Variants in CAMSAP1 observed in about 807,000 individuals in gnomAD.
CAMSAP1 encodes the protein calmodulin regulated spectrin associated protein 1.
A neutral mutation model predicts 143.5 loss-of-function variants in CAMSAP1; 58 were observed. The ratio of observed to expected loss-of-function variants is 0.40; its 90% confidence interval spans 0.33 to 0.50. The LOEUF (loss-of-function observed/expected upper bound fraction) is 0.50, where lower values mean the gene tolerates loss of function less well. Among genes scored for constraint, CAMSAP1 ranks in the 20% least tolerant of loss-of-function variants. The probability of loss-of-function intolerance (pLI) is 0.45; values close to 1 mark genes in which losing one functional copy is unlikely to be tolerated. For synonymous variants in CAMSAP1, 945 were observed against 859.3 expected (o/e 1.10, Z -1.74); for missense variants, 1,969 against 2,115.7 (o/e 0.93, Z 1.36).
chr9:135,884,520 T>C (rs761388592), intron 1 of CAMSAP1, among the ~76,000 whole-genome samples: 1 of 152,202 alleles, frequency 6.6e-6, no homozygotes, highest in Non-Finnish European at 1.5e-5. Context: ...AGCATTTTTG[T>C]TTTAAGCATG....
chr9:135,892,357 G>T (rs765033098), intron 1 of CAMSAP1, among the ~76,000 whole-genome samples: 2 of 151,970 alleles, frequency 1.3e-5, no homozygotes, highest in African/African-American at 2.4e-5. Context: ...ACAGAAAAGT[G>T]GAAATTACAA....
chr9:135,820,771 C>CTGCACATG lies in CAMSAP1; in HGVS notation c.3822+67_3822+68insCATGTGCA, dbSNP rs201669748. The CTGCACATG allele has an allele frequency of 3.2e-6, 5 of 1,565,428 alleles. No individual in the cohort carries two copies. In the East Asian group the frequency reaches 9.0e-5, roughly 28 times the overall value. On this transcript the variant is annotated intron_variant, in intron 11 of 16. Coordinates refer to ENST00000389532, the MANE Select transcript of CAMSAP1 (RefSeq NM_015447.4). The surrounding 1 kb of genome is among the most constrained non-coding windows in gnomAD (Gnocchi z 4.4). ...CCAGCCTGGTGCAGATCTGTGTTCT[C>CTGCACATG]TAACTCACTATCACGTGGGGTGGCA... is the stretch of plus-strand genomic sequence containing the variant.
At chr9:135,887,621 C>A (rs1838166395) in intron 1 of CAMSAP1, among the ~76,000 whole-genome samples, 1 of 152,118 alleles carries the variant, frequency 6.6e-6, no homozygotes, top group South Asian at 2.1e-4. Context: ...GTGTCTTTCA[C>A]TGGGTCAGGG....
Position 135,811,731 on chromosome 9 carries a change from G to A in CAMSAP1, c.4507-120C>T, listed in dbSNP as rs1482977429. Reference sequence around the variant, plus strand: ...CCGTGGGAAGCTCTCCCACCCGTCAGCTACGGCCTGCCTGTTGTAAACAAT... The same window carrying A: ...CCGTGGGAAGCTCTCCCACCCGTCAACTACGGCCTGCCTGTTGTAAACAAT... On this transcript the variant is annotated intron_variant, in intron 16 of 16. Transcript: ENST00000389532. This position sits in a 1 kb window ranked among gnomAD's most constrained non-coding sequence, Gnocchi z 4.9. 2 of 874,150 alleles carry A rather than the reference G, an allele frequency of 2.3e-6. No individual in the cohort carries two copies. The highest frequency in any genetic ancestry group is 3.5e-6 in the Non-Finnish European group (2 of 568,948). 54.1% of individuals were successfully genotyped at this position (874,150 alleles called of 1,614,324 possible).
chr9:135,822,376 C>T lies in CAMSAP1; in HGVS notation c.2285G>A (p.Ser762Asn), dbSNP rs149066179. The T allele has an allele frequency of 2.1e-5, 34 of 1,614,002 alleles. 1 individual carries two copies. In the Middle Eastern group the frequency reaches 2.5e-3, roughly 117 times the overall value. Residue 762 changes from serine (S) to asparagine (N), a missense_variant, in exon 11 of 17, where the codon AGC becomes AAC. Transcript: ENST00000389532. This position sits in a 1 kb window ranked among gnomAD's most constrained non-coding sequence, Gnocchi z 6.1. ...FMGEAHPVVF[S>N]RYIGEEESAK... ...CGACTCTTCCTCCCCAATGTATCTGCTGAAAACCACAGGATGGGCCTCACC... is the reference window on the plus strand; with the variant it reads ...CGACTCTTCCTCCCCAATGTATCTGTTGAAAACCACAGGATGGGCCTCACC...
chr9:135,825,998 A>C (rs1835657832), intron 8 of CAMSAP1: 1 of 152,350 alleles, frequency 6.6e-6, no homozygotes, highest in African/African-American at 2.4e-5. Flanking sequence ...TCAGGGCCAC[A>C]ATGCAAACCC....
rs199683101 is a variant in CAMSAP1 at position 135,822,572 on chromosome 9, T to C, written c.2089A>G (p.Thr697Ala). 3 of 1,613,662 alleles carry C rather than the reference T, an allele frequency of 1.9e-6. No homozygotes were observed. The highest frequency in any genetic ancestry group is 2.2e-5 in the East Asian group (1 of 44,854). Residue 697 changes from threonine (T) to alanine (A), a missense_variant, in exon 11 of 17, where the codon ACG becomes GCG. Physicochemically the swap from Thr to Ala is moderately conservative, Grantham distance 58 (BLOSUM62 0). This residue lies in a region of CAMSAP1 where 1,390 missense variants were observed against 1,420.8 expected (regional missense o/e 0.98). Transcript: ENST00000389532. This position sits in a 1 kb window ranked among gnomAD's most constrained non-coding sequence, Gnocchi z 6.1. ...GFDPFPQGPS[T>A]DGFFLHVGRA... ...CCTACATGAAGGAAGAAGCCATCCG[T>C]GGATGGTCCCTGGGGGAACGGATCG... is the stretch of plus-strand genomic sequence containing the variant.
At chr9:135,899,736 C>G (rs2131025776) in intron 1 of CAMSAP1, among the ~76,000 whole-genome samples, 1 of 152,264 alleles carries the variant, frequency 6.6e-6, no homozygotes, top group African/African-American at 2.4e-5. Flanking sequence ...CCTCCACTTC[C>G]CCCTATTGTC....
intron 5 of CAMSAP1, among the ~76,000 whole-genome samples, chr9:135,853,864 C>T (rs1202190903): frequency 6.6e-6 from 1 of 152,254 alleles, no homozygotes; most frequent in Non-Finnish European, 1.5e-5. Flanking sequence ...GAGGTCCAAT[C>T]AAGTCCCTAT....
At chr9:135,889,299 G>A (rs1242412597) in intron 1 of CAMSAP1, among the ~76,000 whole-genome samples, 2 of 152,050 alleles carry the variant, frequency 1.3e-5, no homozygotes, top group East Asian at 3.9e-4. Flanking sequence ...GCCTCCAACA[G>A]GACCCACGGC....
rs568939186 is a variant in CAMSAP1 at position 135,817,085 on chromosome 9, A to G, written c.4271+892T>C. On this transcript the variant is annotated intron_variant, in intron 14 of 16. Coordinates refer to ENST00000389532, the MANE Select transcript of CAMSAP1 (RefSeq NM_015447.4). ...GAAGGATAACTGACCTGTGGTTACC[A>G]AAAGTCAAGGTCCAGAAAAACACAG... Among the ~76,000 whole-genome samples, 9 of 152,366 alleles carry G rather than the reference A, an allele frequency of 5.9e-5. No individual in the cohort carries two copies. In the East Asian group the frequency reaches 1.7e-3, roughly 29 times the overall value.
chr9:135,816,560 T>C (rs1835236423), intron 14 of CAMSAP1, among the ~76,000 whole-genome samples: 1 of 152,128 alleles, frequency 6.6e-6, no homozygotes, highest in South Asian at 2.1e-4. Flanking sequence ...GCTGCTGCTC[T>C]CACAAGGGAG....
intron 3 of CAMSAP1, among the ~76,000 whole-genome samples, chr9:135,874,673 A>C (rs1189504242): frequency 6.8e-6 from 1 of 146,174 alleles, no homozygotes; most frequent in Non-Finnish European, 1.5e-5. Flanking sequence ...ACAGTAAGGC[A>C]AAAAAAAAAC....
At chr9:135,846,747 G>T (rs921302065) in intron 7 of CAMSAP1, among the ~76,000 whole-genome samples, 9 of 142,504 alleles carry the variant, frequency 6.3e-5, no homozygotes, top group Non-Finnish European at 1.4e-4. Flanking sequence ...CTTCTCAAAA[G>T]AAGACATATA....
intron 3 of CAMSAP1, among the ~76,000 whole-genome samples, chr9:135,868,776 C>G (rs1837473081): frequency 6.6e-6 from 1 of 152,012 alleles, no homozygotes; most frequent in African/African-American, 2.4e-5. Flanking sequence ...ACCACCACGC[C>G]TGGCTAATTT....
At chr9:135,867,465 C>A (rs1837417280) in intron 3 of CAMSAP1, among the ~76,000 whole-genome samples, 1 of 146,250 alleles carries the variant, frequency 6.8e-6, no homozygotes, top group Admixed American at 6.8e-5. Context: ...GGCAACACAG[C>A]AAGACCCCCC....
intron 7 of CAMSAP1, 154 bp downstream of exon 7, chr9:135,849,983 C>A: frequency 1.8e-6 from 1 of 564,454 alleles, no homozygotes; most frequent in South Asian, 2.9e-5. Flanking sequence ...GAAAGCCTTT[C>A]CCCAAACTCT....
intron 5 of CAMSAP1, among the ~76,000 whole-genome samples, chr9:135,861,725 G>A (rs1330391574): frequency 6.6e-6 from 1 of 152,234 alleles, no homozygotes; most frequent in Non-Finnish European, 1.5e-5. Context: ...AGCACCTGAA[G>A]TCTGACACAA....
chr9:135,862,413 T>C (rs1837232260), intron 5 of CAMSAP1, 54 bp downstream of exon 5: 2 of 1,522,346 alleles, frequency 1.3e-6, no homozygotes, highest in African/African-American at 1.4e-5. Flanking sequence ...ATGTACACTA[T>C]AATTTTCCTT....
Sources: gnomAD v4.1 joint callset for allele counts (sites outside exome capture counted in the v4.1 genomes callset) on GRCh38, gnomAD v4.1.1 for gene constraint, gnomAD v4.1.1 regional missense constraint, Gnocchi (gnomAD v3.1) non-coding constraint, MANE v1.5 for transcripts, NCBI Gene and HGNC (gene_info 2026-07-23, HGNC 2026-07-21) for gene names.